The following NRXN3 variants were observed in gnomAD, a reference collection of about 807,000 sequenced individuals.
NRXN3 encodes neurexin III.
Under a neutral mutation model 137.6 loss-of-function variants are expected in NRXN3, and 32 were observed. That is an observed-to-expected ratio of 0.23 (90% CI 0.18 to 0.31). The LOEUF (loss-of-function observed/expected upper bound fraction) is 0.31, where lower values mean the gene tolerates loss of function less well. Among genes scored for constraint, NRXN3 ranks in the 10% least tolerant of loss-of-function variants. The probability of loss-of-function intolerance (pLI) is 1.00; values close to 1 mark genes in which losing one functional copy is unlikely to be tolerated. For synonymous variants in NRXN3, 798 were observed against 784.5 expected (o/e 1.02, Z -0.29); for missense variants, 1,574 against 2,062.5 (o/e 0.76, Z 4.59).
intron 1 of NRXN3, among the ~76,000 whole-genome samples, chr14:78,181,971 T>C (rs1234197533): frequency 6.6e-6 from 1 of 152,156 alleles, no homozygotes; most frequent in African/African-American, 2.4e-5. Flanking sequence ...GTTTAGTTTA[T>C]CCCTGATGGA....
At chr14:78,757,427 T>C (rs1456502719) in intron 8 of NRXN3, among the ~76,000 whole-genome samples, 1 of 119,226 alleles carries the variant, frequency 8.4e-6, no homozygotes, top group Non-Finnish European at 1.6e-5. Flanking sequence ...AAAAAAGGAT[T>C]CTGCATGACA....
chr14:78,729,794 C>T (rs563535559), intron 8 of NRXN3, among the ~76,000 whole-genome samples: 1 of 152,188 alleles, frequency 6.6e-6, no homozygotes, highest in Non-Finnish European at 1.5e-5. Context: ...CTCATCTCTC[C>T]TTCTCTAGAC....
chr14:78,824,068 T>G (rs1799682491), intron 10 of NRXN3, among the ~76,000 whole-genome samples: 1 of 149,174 alleles, frequency 6.7e-6, no homozygotes, highest in African/African-American at 2.4e-5. Context: ...CTCAGGTGAT[T>G]GGCTAAAGAC....
At chr14:79,842,206 A>T (rs2099357301) in intron 20 of NRXN3, among the ~76,000 whole-genome samples, 1 of 152,154 alleles carries the variant, frequency 6.6e-6, no homozygotes, top group Admixed American at 6.6e-5. Flanking sequence ...ATTCCAGTGA[A>T]GTGGGGGAGG....
chr14:79,249,843 C>T lies in NRXN3; in HGVS notation c.3263-217378C>T, dbSNP rs116599107. 7.2e-3 allele frequency among the ~76,000 whole-genome samples: 1,093 copies of T among 152,272 alleles called. 12 individuals are homozygous for T. The highest frequency in any genetic ancestry group is 0.025 in the African/African-American group (1,032 of 41,538). On this transcript the variant is annotated intron_variant, in intron 15 of 20. Transcript: ENST00000335750. ...GAGAATATCTAACCCAGTGTACCTGCCTAGCAGCAGAGGGGAATCTTTGAC... is the reference window on the plus strand; with the variant it reads ...GAGAATATCTAACCCAGTGTACCTGTCTAGCAGCAGAGGGGAATCTTTGAC...
At chr14:79,376,308 G>T (rs562582844) in intron 15 of NRXN3, among the ~76,000 whole-genome samples, 4 of 143,240 alleles carry the variant, frequency 2.8e-5, no homozygotes, top group Non-Finnish European at 6.0e-5. Context: ...TACAAATTGT[G>T]TGTCACTTCC....
At chr14:78,268,751 G>A (rs1476658505) in intron 2 of NRXN3, among the ~76,000 whole-genome samples, 2 of 152,170 alleles carry the variant, frequency 1.3e-5, no homozygotes, top group Admixed American at 1.3e-4. Context: ...GGTAACAACA[G>A]TATCTACATC....
At chr14:78,603,602 G>A (rs2097220056) in intron 4 of NRXN3, among the ~76,000 whole-genome samples, 1 of 152,240 alleles carries the variant, frequency 6.6e-6, no homozygotes, top group African/African-American at 2.4e-5. Flanking sequence ...CCTCTAAACA[G>A]TTATAATTAG....
chr14:79,478,368 T>G (rs2096578415), intron 16 of NRXN3, among the ~76,000 whole-genome samples: 1 of 151,994 alleles, frequency 6.6e-6, no homozygotes, highest in African/African-American at 2.4e-5. Context: ...GAGCTGTTTT[T>G]TCTATACCTG....
chr14:79,115,005 A>T (rs910319931), intron 15 of NRXN3, among the ~76,000 whole-genome samples: 1 of 152,048 alleles, frequency 6.6e-6, no homozygotes, highest in Non-Finnish European at 1.5e-5. Flanking sequence ...TATAAGCTTA[A>T]TGAGCCACCG....
chr14:79,460,794 G>T (rs2096325438), intron 15 of NRXN3, among the ~76,000 whole-genome samples: 1 of 152,164 alleles, frequency 6.6e-6, no homozygotes, highest in Non-Finnish European at 1.5e-5. Context: ...GTACTTAACT[G>T]TTAGGCAATG....
At chr14:79,740,057 C>T (rs2098955677) in intron 19 of NRXN3, among the ~76,000 whole-genome samples, 1 of 152,112 alleles carries the variant, frequency 6.6e-6, no homozygotes, top group Non-Finnish European at 1.5e-5. Flanking sequence ...GTTTTCTTTA[C>T]TAAAACTGCC....
In NRXN3 at chr14:79,785,604, T is replaced by A. The variant is rs1217373734; in HGVS notation, c.4015-19508T>A. Reference sequence around the variant, plus strand: ...CTATCTCTCTTTCCTCAGAGCACAGTTTTTTTTCTTTTTACTATCATTTAA... The same window carrying A: ...CTATCTCTCTTTCCTCAGAGCACAGATTTTTTTCTTTTTACTATCATTTAA... On this transcript the variant is annotated intron_variant, in intron 19 of 20. Transcript: ENST00000335750. Among the ~76,000 whole-genome samples, 5 of 151,918 alleles carry A rather than the reference T, an allele frequency of 3.3e-5. No homozygotes were observed. In the East Asian group the frequency reaches 5.8e-4, roughly 18 times the overall value.
chr14:78,519,992 A>T (rs1045217984), intron 4 of NRXN3, among the ~76,000 whole-genome samples: 1 of 152,238 alleles, frequency 6.6e-6, no homozygotes, highest in African/African-American at 2.4e-5. Flanking sequence ...AAGTTGTGGG[A>T]TTCAAGAATA....
At chr14:78,391,207 A>G (rs1197691859) in intron 4 of NRXN3, among the ~76,000 whole-genome samples, 2 of 152,202 alleles carry the variant, frequency 1.3e-5, no homozygotes, top group South Asian at 2.1e-4. Context: ...ACAGGAGTAC[A>G]GAAGTTGACC....
intron 16 of NRXN3, among the ~76,000 whole-genome samples, chr14:79,651,547 A>G (rs1283277356): frequency 6.6e-6 from 1 of 152,154 alleles, no homozygotes; most frequent in Non-Finnish European, 1.5e-5. Flanking sequence ...GGAAAAAAAA[A>G]GAATTGTTCC....
intron 10 of NRXN3, among the ~76,000 whole-genome samples, chr14:78,822,710 C>CAAAAAAAAAA (rs57192355): frequency 2.4e-5 from 3 of 122,620 alleles, no homozygotes; most frequent in Admixed American, 8.4e-5. Flanking sequence ...CAAAAACAAA[C>CAAAAAAAAAA]AAAAAAAAAA....
intron 4 of NRXN3, among the ~76,000 whole-genome samples, chr14:78,585,147 G>A (rs909309939): frequency 1.3e-5 from 2 of 148,852 alleles, no homozygotes; most frequent in African/African-American, 2.5e-5. Flanking sequence ...TAAGGGGGGG[G>A]GGTGATTAAT....
At chr14:78,657,203 G>A (rs2097792211) in intron 6 of NRXN3, among the ~76,000 whole-genome samples, 1 of 152,078 alleles carries the variant, frequency 6.6e-6, no homozygotes, top group Non-Finnish European at 1.5e-5. Flanking sequence ...GAGAGGACAT[G>A]CATTTCTCTT....
Sources: gnomAD v4.1 joint callset for allele counts (sites outside exome capture counted in the v4.1 genomes callset) on GRCh38, gnomAD v4.1.1 for gene constraint, MANE v1.5 for transcripts, NCBI Gene and HGNC (gene_info 2026-07-23, HGNC 2026-07-21) for gene names.